The following FGF13 variants were observed in gnomAD, a reference collection of about 807,000 sequenced individuals.
The protein encoded by FGF13 is fibroblast growth factor homologous factor 2.
FGF13 carries 2 observed loss-of-function variants against 19.5 expected under a neutral mutation model. That is an observed-to-expected ratio of 0.10 (90% CI 0.04 to 0.32). FGF13 has a LOEUF of 0.32. Among genes scored for constraint, FGF13 ranks in the 10% least tolerant of loss-of-function variants. The pLI is 1.00. For missense variants in FGF13, 113 were observed against 192.7 expected (o/e 0.59, Z 2.45); for synonymous variants, 72 against 76.9 (o/e 0.94, Z 0.33).
chrX:138,726,378 T>C (rs2090185964), intron 1 of FGF13, among the ~76,000 whole-genome samples: 1 of 112,050 alleles, frequency 8.9e-6, no homozygotes, highest in Admixed American at 9.5e-5. Context: ...TTTAGAATGC[T>C]ATTTAACCTC....
chrX:138,976,648 T>C (rs1408149852), intron 1 of FGF13, among the ~76,000 whole-genome samples: 2 of 111,558 alleles, frequency 1.8e-5, no homozygotes, highest in East Asian at 5.6e-4. Flanking sequence ...TTCACCACTA[T>C]AAAATTCACC....
At chrX:138,932,703 A>AGAGTGT (rs1556302263) in intron 1 of FGF13, among the ~76,000 whole-genome samples, 9 of 90,290 alleles carry the variant, frequency 1.0e-4, no homozygotes, top group Admixed American at 3.7e-4. Context: ...TCAGGAGTGT[A>AGAGTGT]GTGTGTGTGT....
At chrX:138,728,244 G>A (rs2090200991) in intron 1 of FGF13, among the ~76,000 whole-genome samples, 1 of 110,968 alleles carries the variant, frequency 9.0e-6, no homozygotes, top group African/African-American at 3.3e-5. Context: ...TTTCAGAGTG[G>A]AATCCATCTC....
rs1408026716 is a variant in FGF13, at chrX:138,635,629, G to C, written c.429C>G (p.Phe143Leu). The stretch of plus-strand genomic sequence containing the variant: ...AATAATTTTCAAACACTGATTCTTT[G>C]AATTTGCACTCAGGTGTGAAAAGTT... ...TSELFTPECK[F>L]KESVFENYYV... Residue 143 changes from phenylalanine to leucine, a missense_variant, in exon 4 of 5, where the codon TTC becomes TTG. Physicochemically the swap from Phe to Leu is conservative, Grantham distance 22 (BLOSUM62 0). This residue lies in a region of FGF13 where 14 missense variants were observed against 44.7 expected (regional missense o/e 0.31). Coordinates refer to ENST00000315930, the MANE Select transcript of FGF13 (RefSeq NM_004114.5). 8.3e-7 allele frequency: 1 copy of C among 1,209,389 alleles called. No homozygotes were observed. Among genetic ancestry groups the C allele is most frequent in the Admixed American group, 2.2e-5 (1 of 45,970 alleles).
chrX:138,837,735 C>A (rs143250899), intron 3 of FGF13, among the ~76,000 whole-genome samples: 2,552 of 111,368 alleles, frequency 0.023, 77 homozygotes, highest in African/African-American at 0.08. Flanking sequence ...AGAGCCGCTG[C>A]ACTGTGCTGG....
intron 1 of FGF13, among the ~76,000 whole-genome samples, chrX:139,123,395 C>T (rs1344773625): frequency 9.0e-6 from 1 of 111,667 alleles, no homozygotes; most frequent in Non-Finnish European, 1.9e-5. Flanking sequence ...CTCACTCCCG[C>T]CATGATGGCC....
At chrX:138,721,620 C>A (rs1200408336) in intron 1 of FGF13, among the ~76,000 whole-genome samples, 1 of 110,511 alleles carries the variant, frequency 9.0e-6, no homozygotes, top group East Asian at 2.9e-4. Context: ...TGATTCCTTA[C>A]TTCTCTTTCC....
intron 1 of FGF13, among the ~76,000 whole-genome samples, chrX:138,739,026 G>GAA (rs201597412): frequency 3.0e-5 from 3 of 99,198 alleles, no homozygotes; most frequent in Non-Finnish European, 6.1e-5. Flanking sequence ...ATTCCTCCCA[G>GAA]AAAAAAAAAA....
chrX:138,968,910 T>C (rs2091905045), intron 1 of FGF13, among the ~76,000 whole-genome samples: 1 of 112,474 alleles, frequency 8.9e-6, no homozygotes, highest in South Asian at 3.7e-4. Context: ...AGAAAGGGCC[T>C]TTTGTCTGTA....
intron 3 of FGF13, among the ~76,000 whole-genome samples, chrX:138,664,453 A>G (rs1274704897): frequency 9.0e-6 from 1 of 111,241 alleles, no homozygotes; most frequent in Admixed American, 9.6e-5. Context: ...AAATTATTTA[A>G]GTGATTTTAG....
At position 138,624,141 on chromosome X, in the gene FGF13, A is replaced by G. The variant is rs2089036917; in HGVS notation, c.*8709T>C. ...CCCAAAGATCTAAAACAATCTTGAG[A>G]AAGAAGTTTAGAACATTTCCTGATT... On this transcript the variant is annotated 3_prime_UTR_variant, in exon 5 of 5. Transcript: ENST00000315930. The G allele has an allele frequency of 8.9e-6, 1 of 112,224 alleles. No homozygotes were observed. The highest frequency in any genetic ancestry group is 3.7e-4 in the South Asian group (1 of 2,698). 9.2% of individuals were successfully genotyped at this position (112,224 alleles called of 1,213,427 possible).
At chrX:138,980,943 T>C (rs1165407738) in intron 1 of FGF13, among the ~76,000 whole-genome samples, 2 of 111,514 alleles carry the variant, frequency 1.8e-5, no homozygotes, top group Admixed American at 1.9e-4. Flanking sequence ...AATCCTAATA[T>C]GTACAAGGCC....
chrX:139,127,229 C>A (rs149920759), intron 1 of FGF13, among the ~76,000 whole-genome samples: 1,614 of 111,051 alleles, frequency 0.015, 30 homozygotes, highest in African/African-American at 0.05. Context: ...GGAAGGGAGG[C>A]GATCATAGGA....
At chrX:139,035,999 TA>T (rs2092249280) in intron 1 of FGF13, among the ~76,000 whole-genome samples, 1 of 111,958 alleles carries the variant, frequency 8.9e-6, no homozygotes, top group Non-Finnish European at 1.9e-5. Flanking sequence ...AAGGGACCAG[TA>T]AGTAAACCTT....
At chrX:138,815,506 A>T (rs2090955889) in intron 3 of FGF13, among the ~76,000 whole-genome samples, 1 of 110,912 alleles carries the variant, frequency 9.0e-6, no homozygotes, top group Admixed American at 9.7e-5. Context: ...AAAAAAATGC[A>T]GGTGTGGTAC....
Position 139,050,524 on chromosome X carries a change from G to A in FGF13, c.-113+152892C>T, listed in dbSNP as rs142367452. ...AAGCAAAAATGAATGAATGAATAGG[G>A]AATAAAGAGGCTGATAAAAATGGAT... On this transcript the variant is annotated intron_variant, in intron 1 of 2. Transcript: ENST00000421460. Among the ~76,000 whole-genome samples, 700 of 111,580 alleles carry A rather than the reference G, an allele frequency of 6.3e-3. 9 individuals are homozygous for A. The highest frequency in any genetic ancestry group is 0.021 in the African/African-American group (655 of 30,694).
At chrX:138,777,162 AAT>A (rs1216412833) in intron 3 of FGF13, among the ~76,000 whole-genome samples, 1 of 111,203 alleles carries the variant, frequency 9.0e-6, no homozygotes, top group Non-Finnish European at 1.9e-5. Flanking sequence ...TTCCTCTCAC[AAT>A]ATCAGGTGAA....
intron 1 of FGF13, among the ~76,000 whole-genome samples, chrX:139,125,280 A>G (rs919696629): frequency 1.1e-4 from 12 of 111,798 alleles, no homozygotes; most frequent in Non-Finnish European, 2.1e-4. Context: ...AATGTCTTCA[A>G]TCAGATCCAG....
At chrX:138,686,926 C>T (rs2089788967) in intron 3 of FGF13, among the ~76,000 whole-genome samples, 1 of 111,819 alleles carries the variant, frequency 8.9e-6, no homozygotes, top group Non-Finnish European at 1.9e-5. Context: ...AAATAATGAT[C>T]TATCTTCCTT....
Sources: allele counts gnomAD v4.1 joint callset (sites outside exome capture counted in the v4.1 genomes callset), GRCh38; gene constraint gnomAD v4.1.1; regional missense constraint gnomAD v4.1.1; transcripts MANE v1.5; gene names NCBI Gene and HGNC (gene_info 2026-07-23, HGNC 2026-07-21).